Variants in SERINC2 observed in about 807,000 individuals in gnomAD.
The protein encoded by SERINC2 is serine incorporator 2, also known as tumor differentially expressed protein 2.
SERINC2 carries 56 observed loss-of-function variants against 54.2 expected under a neutral mutation model. That is an observed-to-expected ratio of 1.03 (90% CI 0.83 to 1.29). The LOEUF (loss-of-function observed/expected upper bound fraction) is 1.29. Among genes scored for constraint, SERINC2 ranks in the 50% most tolerant of loss-of-function variants. The pLI is 0.00. For missense variants in SERINC2, 614 were observed against 607.4 expected (o/e 1.01, Z -0.12); for synonymous variants, 272 against 253.1 (o/e 1.07, Z -0.71).
chr1:31,432,988 G>C lies in SERINC2; in HGVS notation c.1035G>C (p.Arg345=), dbSNP rs782798938. The change falls in exon 9 of 10, where the codon CGG becomes CGC. Residue 345 remains arginine (R), a synonymous_variant. Transcript: ENST00000373709. ...GCAGTCTGCGCTCCTCAGACCACCGGCAGGTGAACAGCCTGATGCAGACCG... is the reference window on the plus strand; with the variant it reads ...GCAGTCTGCGCTCCTCAGACCACCGCCAGGTGAACAGCCTGATGCAGACCG... ...LFISLRSSDH[R]QVNSLMQTEE... 6.2e-7 allele frequency: 1 copy of C among 1,611,812 alleles called. No homozygotes were observed. Among genetic ancestry groups the C allele is most frequent in the South Asian group, 1.1e-5 (1 of 90,990 alleles).
chr1:31,432,561 A>G (rs1240101951), intron 8 of SERINC2, among the ~76,000 whole-genome samples: 2 of 152,164 alleles, frequency 1.3e-5, no homozygotes, highest in African/African-American at 2.4e-5. Context: ...AGTACCTGGT[A>G]TGGTACTTTG....
rs78480251 is a variant in SERINC2, at chr1:31,422,809, G to A, written c.40-884G>A. 5.6e-3 allele frequency among the ~76,000 whole-genome samples: 849 copies of A among 152,232 alleles called. 62 individuals carry two copies. In the East Asian group the frequency reaches 0.14, roughly 25 times the overall value. ...GAGGGTGAGTCTCCTTTTCAGGTGT[G>A]GCATAGTGTGTCATCACCAGCCCCT... is the stretch of plus-strand genomic sequence containing the variant. On this transcript the variant is annotated intron_variant, in intron 1 of 9. Coordinates refer to ENST00000373709, the MANE Select transcript of SERINC2 (RefSeq NM_178865.5).
intron 8 of SERINC2, among the ~76,000 whole-genome samples, chr1:31,432,230 G>GAGTGGAGAGAGTGGACAGGGT (rs1557501868): frequency 6.6e-6 from 1 of 151,576 alleles, no homozygotes; most frequent in Non-Finnish European, 1.5e-5. Context: ...AGGGTGGATA[G>GAGTGGAGAGAGTGGACAGGGT]GGACCCACTG....
chr1:31,423,629 G>A (rs1640953355), intron 1 of SERINC2, 64 bp from the exon 2 acceptor site: 9 of 1,532,318 alleles, frequency 5.9e-6, no homozygotes, highest in Non-Finnish European at 8.0e-6. Flanking sequence ...CTCTGGGCAG[G>A]TGGTGAGAGG....
chr1:31,432,102 C>G (rs111403239), intron 8 of SERINC2, among the ~76,000 whole-genome samples: 1,104 of 12,880 alleles, frequency 0.086, 54 homozygotes, highest in South Asian at 0.096. Flanking sequence ...ACAGGGTGGA[C>G]AGGGTGGATA....
At chr1:31,413,212 C>A (rs1175922708), upstream of SERINC2, 3 of 1,086,428 alleles carry the variant, frequency 2.8e-6, no homozygotes, top group South Asian at 4.1e-5. The surrounding 1 kb of genome is among the most constrained non-coding windows in gnomAD (Gnocchi z 5.0). Flanking sequence ...ACCCGGATCC[C>A]GAGGTCCGCG....
chr1:31,413,272 G>C lies in SERINC2; in HGVS notation c.7G>C (p.Ala3Pro). Residue 3 changes from alanine to proline, a missense_variant, in exon 1 of 10, where the codon GCC becomes CCC. Transcript: ENST00000373709. This position sits in a 1 kb window ranked among gnomAD's most constrained non-coding sequence, Gnocchi z 5.0. ...GAAGCCGGGAGCCGCCGCCATGGGGGCCTGCCTGGGAGCCTGCTCCCTGCT... is the reference window on the plus strand; with the variant it reads ...GAAGCCGGGAGCCGCCGCCATGGGGCCCTGCCTGGGAGCCTGCTCCCTGCT... MG[A>P]CLGACSLLSC... The C allele has an allele frequency of 8.0e-7, 1 of 1,251,228 alleles. No homozygotes were observed. The highest frequency in any genetic ancestry group is 1.0e-6 in the Non-Finnish European group (1 of 998,934). The allele number at this position is 1,251,228 out of a possible 1,614,324, so 77.5% of individuals were successfully genotyped here. A position where few individuals can be genotyped will look rare whatever the true frequency, so the allele number is the denominator to read the frequency against.
chr1:31,417,383 G>A (rs961760737), intron 1 of SERINC2, among the ~76,000 whole-genome samples: 2 of 152,198 alleles, frequency 1.3e-5, no homozygotes, highest in African/African-American at 2.4e-5. Flanking sequence ...CACCACTTCC[G>A]TGACCTCTGT....
upstream of SERINC2, chr1:31,410,399 G>A: frequency 6.5e-7 from 1 of 1,548,296 alleles, no homozygotes; most frequent in Non-Finnish European, 8.7e-7. Flanking sequence ...GAAGCATGAG[G>A]CTGAGAGAGG....
chr1:31,410,054 T>C, upstream of SERINC2: 2 of 996,836 alleles, frequency 2.0e-6, no homozygotes, highest in Non-Finnish European at 2.9e-6. Context: ...CACAGGGCAA[T>C]GGACCAAATG....
chr1:31,413,685 G>T lies in SERINC2; in HGVS notation c.39+381G>T. On this transcript the variant is annotated intron_variant, in intron 1 of 9. Transcript: ENST00000373709. This position sits in a 1 kb window ranked among gnomAD's most constrained non-coding sequence, Gnocchi z 5.0. ...GGTCCTCGGGGTGGCCTCTGTCCCC[G>T]TCCCGGACGCCCTGGTTCTCTGTGT... 9.3e-7 allele frequency: 1 copy of T among 1,075,202 alleles called. No homozygotes were observed. Among genetic ancestry groups the T allele is most frequent in the Non-Finnish European group, 1.2e-6 (1 of 838,454 alleles). 66.6% of individuals were successfully genotyped at this position (1,075,202 alleles called of 1,614,324 possible). A position where few individuals can be genotyped will look rare whatever the true frequency, so the allele number is the denominator to read the frequency against.
intron 1 of SERINC2, among the ~76,000 whole-genome samples, chr1:31,421,886 T>G (rs975550334): frequency 2.6e-5 from 4 of 152,218 alleles, no homozygotes; most frequent in Admixed American, 2.6e-4. Context: ...CTTAAATTCC[T>G]CAAATGCCCA....
At chr1:31,426,930 C>A in intron 6 of SERINC2, 107 bp downstream of exon 6, 3 of 1,038,886 alleles carry the variant, frequency 2.9e-6, no homozygotes, top group Non-Finnish European at 4.2e-6. Context: ...AGAGGCACGG[C>A]CTGAGTGTGT....
Position 31,425,870 on chromosome 1 carries a change from G to C in SERINC2, c.567G>C (p.Trp189Cys), listed in dbSNP as rs1465399200. The C allele has an allele frequency of 6.2e-7, 1 of 1,613,178 alleles. No individual in the cohort carries two copies. Among genetic ancestry groups the C allele is most frequent in the African/African-American group, 1.3e-5 (1 of 74,944 alleles). The stretch of plus-strand genomic sequence containing the variant: ...TTGCGCACTCCTGGAACCAGCGGTG[G>C]CTGGGCAAGGCCGAGGAGTGCGATT... Reference protein sequence around the residue: ...IDFAHSWNQRWLGKAEECDSR... With the variant: ...IDFAHSWNQRCLGKAEECDSR... Residue 189 changes from tryptophan to cysteine, a missense_variant, in exon 5 of 10, where the codon TGG becomes TGC. Physicochemically the swap from Trp to Cys is radical, Grantham distance 215. Coordinates refer to ENST00000373709, the MANE Select transcript of SERINC2 (RefSeq NM_178865.5).
chr1:31,432,012 TAGGGTGGAC>T (rs1557500599), intron 8 of SERINC2, among the ~76,000 whole-genome samples: 92 of 25,868 alleles, frequency 3.6e-3, no homozygotes, highest in Non-Finnish European at 5.5e-3. Context: ...ATAGGGTGGA[TAGGGTGGAC>T]AGGGTGGACA....
At chr1:31,414,291 C>A (rs1640721485) in intron 1 of SERINC2, 15 of 1,318,150 alleles carry the variant, frequency 1.1e-5, no homozygotes, top group Non-Finnish European at 1.4e-5. Context: ...TTCCTCTTCC[C>A]CTCATTAAAT....
intron 8 of SERINC2, among the ~76,000 whole-genome samples, chr1:31,432,119 T>TAGGGTGGA (rs1557501382): frequency 2.1e-4 from 2 of 9,726 alleles, no homozygotes; most frequent in Non-Finnish European, 3.7e-4. Context: ...GATAGGGTGG[T>TAGGGTGGA]TAGGGTGGAT....
chr1:31,413,209 T>A, upstream of SERINC2: 2 of 1,070,866 alleles, frequency 1.9e-6, no homozygotes, highest in African/African-American at 1.8e-5. The surrounding 1 kb of genome is among the most constrained non-coding windows in gnomAD (Gnocchi z 5.0). Context: ...GGCACCCGGA[T>A]CCCGAGGTCC....
upstream of SERINC2, among the ~76,000 whole-genome samples, chr1:31,411,121 G>C (rs1198394543): frequency 3.3e-5 from 5 of 152,156 alleles, no homozygotes; most frequent in African/African-American, 9.7e-5. Flanking sequence ...GGTAGGAGAG[G>C]GGGTGGCCAG....
Sources: allele counts gnomAD v4.1 joint callset (sites outside exome capture counted in the v4.1 genomes callset), GRCh38; gene constraint gnomAD v4.1.1; non-coding constraint Gnocchi (gnomAD v3.1); transcripts MANE v1.5; gene names NCBI Gene and HGNC (gene_info 2026-07-23, HGNC 2026-07-21).